The following FBXL20 variants were observed in gnomAD, a reference collection of about 807,000 sequenced individuals.
FBXL20 encodes the protein F-box/LRR-repeat protein 20.
A neutral mutation model predicts 64.0 loss-of-function variants in FBXL20; 11 were observed. The ratio of observed to expected loss-of-function variants is 0.17; its 90% CI spans 0.11 to 0.28. The LOEUF is 0.28. Among genes scored for constraint, FBXL20 ranks in the 10% least tolerant of loss-of-function variants. The pLI is 1.00. For missense variants in FBXL20, 303 were observed against 526.2 expected (o/e 0.58, Z 4.15); for synonymous variants, 184 against 189.0 (o/e 0.97, Z 0.22).
At chr17:39,372,617 T>C (rs1444243909) in intron 1 of FBXL20, among the ~76,000 whole-genome samples, 2 of 128,734 alleles carry the variant, frequency 1.6e-5, no homozygotes, top group South Asian at 2.3e-4. Context: ...TGTTTGATAA[T>C]TTTTTTTTTT....
At chr17:39,373,505 G>A (rs1597827425) in intron 1 of FBXL20, among the ~76,000 whole-genome samples, 1 of 152,148 alleles carries the variant, frequency 6.6e-6, no homozygotes, top group East Asian at 1.9e-4. Flanking sequence ...CTTCCAACCT[G>A]GTTTCTTTTA....
chr17:39,316,936 C>T (rs1024496122), intron 2 of FBXL20, among the ~76,000 whole-genome samples: 2 of 152,194 alleles, frequency 1.3e-5, no homozygotes, highest in African/African-American at 2.4e-5. Context: ...TTGCAGTGAG[C>T]GGAGATTGCG....
intron 1 of FBXL20, among the ~76,000 whole-genome samples, chr17:39,345,386 G>A (rs2047622215): frequency 6.6e-6 from 1 of 151,758 alleles, no homozygotes; most frequent in African/African-American, 2.4e-5. Flanking sequence ...AAATTAGCTG[G>A]GAAAAAAAGA....
chr17:39,361,669 C>T (rs746305872), intron 1 of FBXL20, among the ~76,000 whole-genome samples: 7 of 151,684 alleles, frequency 4.6e-5, no homozygotes, highest in East Asian at 3.9e-4. Context: ...TGGTGGCACG[C>T]GCCTGTAGTC....
intron 1 of FBXL20, among the ~76,000 whole-genome samples, chr17:39,398,036 C>CGGGCG (rs1567910882): frequency 6.7e-4 from 42 of 62,924 alleles, no homozygotes; most frequent in African/African-American, 2.0e-3. Flanking sequence ...GGGAGGCCGG[C>CGGGCG]GGGCGGGGGG....
intron 1 of FBXL20, among the ~76,000 whole-genome samples, chr17:39,377,227 C>A (rs561370995): frequency 6.6e-6 from 1 of 152,012 alleles, no homozygotes; most frequent in African/African-American, 2.4e-5. Flanking sequence ...CCACCCAGAT[C>A]GATTAACTGG....
At chr17:39,388,825 G>A (rs1185926889) in intron 1 of FBXL20, among the ~76,000 whole-genome samples, 2 of 149,836 alleles carry the variant, frequency 1.3e-5, no homozygotes, top group African/African-American at 2.4e-5. Flanking sequence ...AGATCTGCCG[G>A]GTGCAGTGGC....
intron 1 of FBXL20, among the ~76,000 whole-genome samples, chr17:39,352,649 C>G (rs1597814381): frequency 6.7e-6 from 1 of 149,498 alleles, no homozygotes; most frequent in East Asian, 2.0e-4. Flanking sequence ...CTACTGCACT[C>G]CAGCCTTGGC....
intron 1 of FBXL20, among the ~76,000 whole-genome samples, chr17:39,381,168 A>C (rs1027215646): frequency 6.6e-6 from 1 of 151,644 alleles, no homozygotes; most frequent in South Asian, 2.1e-4. Context: ...CTCAAAAAAA[A>C]AAAAAGTTGT....
chr17:39,383,757 T>C (rs1268581570), intron 1 of FBXL20, among the ~76,000 whole-genome samples: 4 of 151,840 alleles, frequency 2.6e-5, no homozygotes, highest in African/African-American at 4.8e-5. Context: ...GCCTGGCTAA[T>C]TTTTTGTATT....
chr17:39,264,242 T>C lies in FBXL20; in HGVS notation c.1136A>G (p.His379Arg). The change falls in exon 14 of 15, where the codon CAT (histidine) becomes CGT (arginine). Residue 379 changes from histidine (H) to arginine (R), a missense_variant. By Grantham distance (29) the His-to-Arg change is conservative (BLOSUM62 0). Around this residue, in one of 3 missense-constraint regions of FBXL20, gnomAD observed 56 missense variants for 86.0 expected, o/e 0.65. Transcript: ENST00000264658. ...DASLEHLKSC[H>R]SLERIELYDC... ...ATAGAGTTCTATCCGCTCAAGGCTA[T>C]GACAGCTCTTCAAGTGCTCCAGGGA... The C allele has an allele frequency of 6.2e-7, 1 of 1,614,262 alleles. No individual in the cohort carries two copies. Among genetic ancestry groups the C allele is most frequent in the Non-Finnish European group, 8.5e-7 (1 of 1,180,046 alleles).
chr17:39,304,609 G>C (rs2047165316), intron 2 of FBXL20, among the ~76,000 whole-genome samples: 1 of 151,974 alleles, frequency 6.6e-6, no homozygotes, highest in Non-Finnish European at 1.5e-5. Context: ...TTTTTTATTT[G>C]AAACAAGGTC....
chr17:39,268,823 T>C lies in FBXL20; in HGVS notation c.933+4A>G. ...TATTTCTGAATTAAAATCTACAATCTTACCTGAACACACTCTTCCAGGTCC... is the reference window on the plus strand; with the variant it reads ...TATTTCTGAATTAAAATCTACAATCCTACCTGAACACACTCTTCCAGGTCC... On this transcript the variant is annotated splice_donor_region_variant and intron_variant, in intron 12 of 14. Transcript: ENST00000264658. 1 of 1,612,244 alleles carries C rather than the reference T, an allele frequency of 6.2e-7. No homozygotes were observed. Among genetic ancestry groups the C allele is most frequent in the Non-Finnish European group, 8.5e-7 (1 of 1,178,670 alleles).
chr17:39,295,057 G>C (rs1032291732), intron 6 of FBXL20, among the ~76,000 whole-genome samples: 2 of 152,168 alleles, frequency 1.3e-5, no homozygotes, highest in African/African-American at 4.8e-5. Context: ...TGATGTCTAG[G>C]ACTTTTTTTC....
chr17:39,264,085 C>T, intron 14 of FBXL20, 90 bp downstream of exon 14: 1 of 1,358,154 alleles, frequency 7.4e-7, no homozygotes, highest in Non-Finnish European at 1.0e-6. Context: ...ATATAAAAAT[C>T]ATAGGAACCT....
chr17:39,271,662 T>C (rs1218437601), intron 10 of FBXL20, among the ~76,000 whole-genome samples: 4 of 126,284 alleles, frequency 3.2e-5, no homozygotes, highest in Non-Finnish European at 6.6e-5. Flanking sequence ...CTATCCCAAA[T>C]ATGAAATTCT....
At chr17:39,282,995 T>C (rs2046960885) in intron 7 of FBXL20, 140 bp from the exon 8 acceptor site, 1 of 911,178 alleles carries the variant, frequency 1.1e-6, no homozygotes, top group Admixed American at 2.4e-5. Context: ...TTACCTAATG[T>C]ATATTTAGAT....
intron 12 of FBXL20, among the ~76,000 whole-genome samples, chr17:39,268,118 G>A (rs1039340661): frequency 2.0e-5 from 3 of 151,980 alleles, no homozygotes; most frequent in Non-Finnish European, 4.4e-5. Flanking sequence ...TTGGGAGGGC[G>A]AGCCAAGTGG....
intron 12 of FBXL20, 108 bp downstream of exon 12, chr17:39,268,719 C>G: frequency 1.2e-6 from 1 of 858,642 alleles, no homozygotes; most frequent in Non-Finnish European, 1.8e-6. Flanking sequence ...GCAATGCTGT[C>G]AGGCACTACA....
Sources: allele counts gnomAD v4.1 joint callset (sites outside exome capture counted in the v4.1 genomes callset), GRCh38; gene constraint gnomAD v4.1.1; regional missense constraint gnomAD v4.1.1; transcripts MANE v1.5; gene names NCBI Gene and HGNC (gene_info 2026-07-23, HGNC 2026-07-21).